Variants in VAPB observed in about 807,000 individuals in gnomAD.
VAPB encodes vesicle-associated membrane protein-associated protein B/C.
VAPB carries 7 observed loss-of-function variants against 25.6 expected under a neutral mutation model. The ratio of observed to expected loss-of-function variants is 0.27; its 90% CI spans 0.16 to 0.51. The LOEUF (loss-of-function observed/expected upper bound fraction) is 0.51, where lower values mean the gene tolerates loss of function less well. Ranked by LOEUF, VAPB falls within the 20% of genes least tolerant of loss-of-function variation. The probability of loss-of-function intolerance (pLI) is 0.97; values close to 1 mark genes in which losing one functional copy is unlikely to be tolerated. For synonymous variants in VAPB, 112 were observed against 109.2 expected, an observed-to-expected ratio of 1.03 and a Z score of -0.16; for missense variants, 266 against 301.3, an observed-to-expected ratio of 0.88 and a Z score of 0.87.
chr20:58,441,350 CA>C (rs1405962369), intron 5 of VAPB, among the ~76,000 whole-genome samples: 1 of 151,204 alleles, frequency 6.6e-6, no homozygotes, highest in Non-Finnish European at 1.5e-5. Context: ...AAAACAAAAA[CA>C]AAAAACTTGG....
Position 58,389,415 on chromosome 20 carries a change from C to T in VAPB, c.-45C>T. ...GCATTAACGCTTCCCGCCCCGGTGA[C>T]CTCTCAGGGGTCTCCCCGCCAAAGG... On this transcript the variant is annotated 5_prime_UTR_variant, in exon 1 of 6. Coordinates refer to ENST00000475243, the MANE Select transcript of VAPB (RefSeq NM_004738.5). 2 of 1,562,838 alleles carry T rather than the reference C, an allele frequency of 1.3e-6. No individual in the cohort carries two copies. The highest frequency in any genetic ancestry group is 1.7e-6 in the Non-Finnish European group (2 of 1,153,414).
rs1273612360 is a variant in VAPB at position 58,447,968 on chromosome 20, G to A, written c.*3733G>A. On this transcript the variant is annotated 3_prime_UTR_variant, in exon 6 of 6. Coordinates refer to ENST00000475243, the MANE Select transcript of VAPB (RefSeq NM_004738.5). ...GGTGTAGAGGCCACTGCTTCCCCCTGCTGGAGATGGCATTTCATTGAAGGG... is the reference window on the plus strand; with the variant it reads ...GGTGTAGAGGCCACTGCTTCCCCCTACTGGAGATGGCATTTCATTGAAGGG... The A allele has an allele frequency of 2.2e-6, 1 of 453,820 alleles. No individual in the cohort carries two copies. The highest frequency in any genetic ancestry group is 1.6e-5 in the South Asian group (1 of 64,444). 28.1% of individuals were successfully genotyped at this position (453,820 alleles called of 1,614,324 possible).
intron 3 of VAPB, among the ~76,000 whole-genome samples, chr20:58,435,950 T>C (rs1432966184): frequency 6.6e-6 from 1 of 152,208 alleles, no homozygotes; most frequent in African/African-American, 2.4e-5. Context: ...GTTTTCGAGC[T>C]GAGTTCTTCC....
chr20:58,419,470 G>A (rs1487639544), intron 2 of VAPB, among the ~76,000 whole-genome samples: 1 of 152,166 alleles, frequency 6.6e-6, no homozygotes, highest in Non-Finnish European at 1.5e-5. Flanking sequence ...CATTGATTGA[G>A]GGGCTTCTAT....
At chr20:58,439,383 C>T (rs946826602) in intron 4 of VAPB, 23 of 270,866 alleles carry the variant, frequency 8.5e-5, no homozygotes, top group East Asian at 1.7e-4. Context: ...GGTTGATGGA[C>T]GTGTGGGAAG....
intron 5 of VAPB, 128 bp downstream of exon 5, chr20:58,441,211 T>A: frequency 9.5e-7 from 1 of 1,048,518 alleles, no homozygotes; most frequent in Non-Finnish European, 1.4e-6. Context: ...TATTTTTTTC[T>A]CCCCAGGGAG....
At chr20:58,416,876 A>G (rs547607362) in intron 1 of VAPB, among the ~76,000 whole-genome samples, 10 of 152,192 alleles carry the variant, frequency 6.6e-5, no homozygotes, top group African/African-American at 2.4e-4. Flanking sequence ...GAATATGTAG[A>G]TTGAGATCTT....
intron 1 of VAPB, among the ~76,000 whole-genome samples, chr20:58,407,981 G>A (rs1036072455): frequency 6.6e-5 from 10 of 151,900 alleles, no homozygotes; most frequent in Admixed American, 1.3e-4. Flanking sequence ...GCTTTCCTGA[G>A]TTTGATCTTA....
chr20:58,436,233 A>G lies in VAPB; in HGVS notation c.315+1528A>G, dbSNP rs190297772. 1.6e-4 allele frequency among the ~76,000 whole-genome samples: 24 copies of G among 152,188 alleles called. No individual in the cohort carries two copies. In the East Asian group the frequency reaches 4.4e-3, roughly 28 times the overall value. ...ATGTACATTGTGGGAAATTTTGGAA[A>G]TACACAAATGAAAAAAATTTAAAGT... On this transcript the variant is annotated intron_variant, in intron 3 of 5. Transcript: ENST00000475243.
rs1359431915 is a variant in VAPB, at chr20:58,445,038, T to A, written c.*803T>A. On this transcript the variant is annotated 3_prime_UTR_variant, in exon 6 of 6. Coordinates refer to ENST00000475243, the MANE Select transcript of VAPB (RefSeq NM_004738.5). ...TGCTGAACTCTGTTGGGTGAACTGGTATTGCTGCTGGAGGGCTGTGGGCTC... is the reference window on the plus strand; with the variant it reads ...TGCTGAACTCTGTTGGGTGAACTGGAATTGCTGCTGGAGGGCTGTGGGCTC... 1 of 454,760 alleles carries A rather than the reference T, an allele frequency of 2.2e-6. No individual in the cohort carries two copies. The highest frequency in any genetic ancestry group is 4.4e-6 in the Non-Finnish European group (1 of 226,770). The allele number at this position is 454,760 out of a possible 1,614,324, so 28.2% of individuals were successfully genotyped here.
In VAPB at chr20:58,444,074, T is replaced by A; in HGVS notation, c.574-3T>A. 3 of 1,614,152 alleles carry A rather than the reference T, an allele frequency of 1.9e-6. No individual in the cohort carries two copies. In the East Asian group the frequency reaches 6.7e-5, roughly 36 times the overall value. On this transcript the variant is annotated splice_polypyrimidine_tract_variant and splice_region_variant and intron_variant, in intron 5 of 5. Coordinates refer to ENST00000475243, the MANE Select transcript of VAPB (RefSeq NM_004738.5). ...TCTTTGAAATGTGCGTTTGCTCCCG[T>A]AGGAAGAAGATGGACTGCGGATGAG... is the stretch of plus-strand genomic sequence containing the variant.
rs184517631 is a variant in VAPB at position 58,445,631 on chromosome 20, T to C, written c.*1396T>C. The stretch of plus-strand genomic sequence containing the variant: ...TTTTTATTATTTTGCCATTGGAAGG[T>C]TAACTTTAAAATGAGCCCTATCACT... On this transcript the variant is annotated 3_prime_UTR_variant, in exon 6 of 6. Coordinates refer to ENST00000475243, the MANE Select transcript of VAPB (RefSeq NM_004738.5). 5.9e-5 allele frequency: 27 copies of C among 454,382 alleles called. No homozygotes were observed. The East Asian group carries it at 8.3e-4, about 14-fold the overall frequency. 28.1% of individuals were successfully genotyped at this position (454,382 alleles called of 1,614,324 possible).
chr20:58,423,686 C>T (rs1342044817), intron 2 of VAPB, among the ~76,000 whole-genome samples: 1 of 152,148 alleles, frequency 6.6e-6, no homozygotes, highest in African/African-American at 2.4e-5. Flanking sequence ...ATCCATCAAG[C>T]ACTGATAGTG....
intron 1 of VAPB, among the ~76,000 whole-genome samples, chr20:58,410,030 G>A (rs2064384): frequency 0.65 from 97,948 of 151,804 alleles, 31,843 homozygotes; most frequent in African/African-American, 0.7. Context: ...AAGACCAAAT[G>A]CTTTTTCCCC....
intron 1 of VAPB, among the ~76,000 whole-genome samples, chr20:58,406,905 T>C (rs1415703055): frequency 6.6e-6 from 1 of 152,194 alleles, no homozygotes; most frequent in Non-Finnish European, 1.5e-5. Context: ...ATATTGCTTA[T>C]CTTTTTGTTT....
chr20:58,436,200 T>A (rs1238075476), intron 3 of VAPB, among the ~76,000 whole-genome samples: 1 of 152,120 alleles, frequency 6.6e-6, no homozygotes, highest in Non-Finnish European at 1.5e-5. Context: ...AAATTTTTTT[T>A]ATATAAAATG....
chr20:58,412,624 T>G (rs1299309617), intron 1 of VAPB, among the ~76,000 whole-genome samples: 1 of 150,964 alleles, frequency 6.6e-6, no homozygotes, highest in East Asian at 2.0e-4. Context: ...TAAAAACTTC[T>G]ATCTTGCCAT....
chr20:58,396,362 T>G (rs546122060), intron 1 of VAPB, among the ~76,000 whole-genome samples: 1 of 152,338 alleles, frequency 6.6e-6, no homozygotes, highest in African/African-American at 2.4e-5. Flanking sequence ...GGCATTTCAG[T>G]AGGCTCCTTC....
At chr20:58,399,841 CAA>C (rs1419747895) in intron 1 of VAPB, among the ~76,000 whole-genome samples, 1 of 152,100 alleles carries the variant, frequency 6.6e-6, no homozygotes, top group Non-Finnish European at 1.5e-5. Flanking sequence ...CTAATACTAT[CAA>C]CTGTACCTTC....
Sources: gnomAD v4.1 joint callset for allele counts (sites outside exome capture counted in the v4.1 genomes callset) on GRCh38, gnomAD v4.1.1 for gene constraint, MANE v1.5 for transcripts, NCBI Gene and HGNC (gene_info 2026-07-23, HGNC 2026-07-21) for gene names.